Variants in CD209 observed in about 807,000 individuals in gnomAD.
CD209 encodes the protein CD209 molecule, also known as CD209 antigen.
In CD209, 31 loss-of-function variants were observed where a neutral mutation model predicts 44.7. The ratio of observed to expected loss-of-function variants is 0.69; its 90% confidence interval spans 0.52 to 0.94. The LOEUF (loss-of-function observed/expected upper bound fraction) is 0.94, where lower values mean the gene tolerates loss of function less well. Among genes scored for constraint, CD209 ranks in the 40% least tolerant of loss-of-function variants. The pLI, the probability that CD209 is intolerant of heterozygous loss-of-function variation, is 0.00. For missense variants in CD209, 407 were observed against 452.4 expected (o/e 0.90, Z 0.91); for synonymous variants, 173 against 181.3 (o/e 0.95, Z 0.37).
intron 3 of CD209, 159 bp from the exon 4 acceptor site, chr19:7,746,246 G>T: frequency 1.7e-6 from 2 of 1,185,216 alleles, no homozygotes; most frequent in Non-Finnish European, 2.4e-6. Flanking sequence ...AGCACAGAAG[G>T]CCAAGGAGAG....
rs1270392972 is a variant in CD209 at position 7,747,316 on chromosome 19, C to G, written c.96G>C (p.Lys32Asn). Reference sequence around the variant, plus strand: ...CTAAGTCCTCTCTACCTGCTAAGCTCTTGTATCCTCGAGTCTGTCGGAATC... The same window carrying G: ...CTAAGTCCTCTCTACCTGCTAAGCTGTTGTATCCTCGAGTCTGTCGGAATC... ...GLGFRQTRGYKSLAGCLGHGP... is the reference protein window; with the variant it reads ...GLGFRQTRGYNSLAGCLGHGP... The change falls in exon 2 of 7, where the codon AAG (lysine) becomes AAC (asparagine). Residue 32 changes from lysine to asparagine, a missense_variant. Physicochemically the swap from Lys to Asn is moderately conservative, Grantham distance 94. Transcript: ENST00000315599. 3 of 1,614,252 alleles carry G rather than the reference C, an allele frequency of 1.9e-6. No homozygotes were observed. The highest frequency in any genetic ancestry group is 1.7e-6 in the Non-Finnish European group (2 of 1,180,046).
In CD209 at chr19:7,746,091, G is replaced by A; in HGVS notation, c.179-4C>T. 2.5e-6 allele frequency: 4 copies of A among 1,612,032 alleles called. No homozygotes were observed. Among genetic ancestry groups the A allele is most frequent in the Non-Finnish European group, 3.4e-6 (4 of 1,179,342 alleles). ...ATGGAGCTGGGGACCTTGGACACTGGGCCAAGAAAAAAAAGGAACTGCAAT... is the reference window on the plus strand; with the variant it reads ...ATGGAGCTGGGGACCTTGGACACTGAGCCAAGAAAAAAAAGGAACTGCAAT... On this transcript the variant is annotated splice_polypyrimidine_tract_variant and splice_region_variant and intron_variant, in intron 3 of 6. Transcript: ENST00000315599.
At chr19:7,745,444 G>A in intron 4 of CD209, 74 bp downstream of exon 4, 1 of 1,610,526 alleles carries the variant, frequency 6.2e-7, no homozygotes, top group Admixed American at 1.7e-5. Context: ...CTCAGGCAGG[G>A]TCAGTGACTC....
At chr19:7,744,312 C>G in intron 5 of CD209, 93 bp from the exon 6 acceptor site, 1 of 947,712 alleles carries the variant, frequency 1.1e-6, no homozygotes, top group East Asian at 2.4e-5. Flanking sequence ...TGCTTGTAGG[C>G]TAACCTACAG....
Position 7,741,238 on chromosome 19 carries a change from G to C in CD209, c.*1801C>G, listed in dbSNP as rs549990133. 4 of 529,432 alleles carry C rather than the reference G, an allele frequency of 7.6e-6. No individual in the cohort carries two copies. The highest frequency in any genetic ancestry group is 1.3e-5 in the Non-Finnish European group (4 of 296,586). 32.8% of individuals were successfully genotyped at this position (529,432 alleles called of 1,614,324 possible). A position where few individuals can be genotyped will look rare whatever the true frequency, so the allele number is the denominator to read the frequency against. Reference sequence around the variant, plus strand: ...TGTAATCCCAGCACTTTGGGAGGACGCGGCGGGCGAATCACGAGGTCAAGA... The same window carrying C: ...TGTAATCCCAGCACTTTGGGAGGACCCGGCGGGCGAATCACGAGGTCAAGA... On this transcript the variant is annotated 3_prime_UTR_variant, in exon 7 of 7. Transcript: ENST00000315599.
Position 7,740,985 on chromosome 19 carries a change from A to T in CD209, c.*2054T>A, listed in dbSNP as rs188051185. 4.3e-4 allele frequency: 306 copies of T among 709,960 alleles called. No individual in the cohort carries two copies. Among genetic ancestry groups the T allele is most frequent in the Non-Finnish European group, 6.6e-4 (258 of 391,722 alleles). The allele number at this position is 709,960 out of a possible 1,614,324, so 44.0% of individuals were successfully genotyped here. On this transcript the variant is annotated 3_prime_UTR_variant, in exon 7 of 7. Coordinates refer to ENST00000315599, the MANE Select transcript of CD209 (RefSeq NM_021155.4). ...TCTACAGTAAAACAGGAGCTTGCAG[A>T]TTTGGAGATAGATGTTCACATGATT...
At position 7,741,921 on chromosome 19, in the gene CD209, A is replaced by G. The variant is rs1193479950; in HGVS notation, c.*1118T>C. The G allele has an allele frequency of 2.4e-6, 1 of 422,516 alleles. No homozygotes were observed. The highest frequency in any genetic ancestry group is 4.7e-6 in the Non-Finnish European group (1 of 214,614). 26.2% of individuals were successfully genotyped at this position (422,516 alleles called of 1,614,324 possible). A position where few individuals can be genotyped will look rare whatever the true frequency, so the allele number is the denominator to read the frequency against. ...TCCTACAAAAGAAATGGGGAATCCG[A>G]AAGGAAAAGGAAGAAATCTCACTAG... On this transcript the variant is annotated 3_prime_UTR_variant, in exon 7 of 7. Coordinates refer to ENST00000315599, the MANE Select transcript of CD209 (RefSeq NM_021155.4).
rs779527826 is a variant in CD209 at position 7,743,198 on chromosome 19, C to A, written c.1056G>T (p.Gly352=). 1 of 1,614,026 alleles carries A rather than the reference C, an allele frequency of 6.2e-7. No individual in the cohort carries two copies. The highest frequency in any genetic ancestry group is 1.3e-5 in the African/African-American group (1 of 74,916). ...CACTAAATTCCGCGCAGTCTTCCTC[C>A]CCAACGTTGTTGGGCTCTCCTCTGT... The part of the protein sequence containing the change: ...YWNRGEPNNV[G]EEDCAEFSGN... Residue 352 remains glycine, a synonymous_variant, in exon 7 of 7, where the codon GGG becomes GGT. Coordinates refer to ENST00000315599, the MANE Select transcript of CD209 (RefSeq NM_021155.4).
At position 7,746,471 on chromosome 19, in the gene CD209, A is replaced by T. The variant is rs1337768676; in HGVS notation, c.167T>A (p.Leu56His). Reference sequence around the variant, plus strand: ...AACCTGCCCCTGACCTTGGACAAGGAGCCCAGCCAAGAGCGTGAAGGAGAG... The same window carrying T: ...AACCTGCCCCTGACCTTGGACAAGGTGCCCAGCCAAGAGCGTGAAGGAGAG... ...QLLSFTLLAG[L>H]LVQVSKVPSS... The change falls in exon 3 of 7, where the codon CTC (leucine) becomes CAC (histidine). Residue 56 changes from leucine (L) to histidine (H), a missense_variant. Transcript: ENST00000315599. The T allele has an allele frequency of 6.2e-7, 1 of 1,613,830 alleles. No individual in the cohort carries two copies. Among genetic ancestry groups the T allele is most frequent in the Non-Finnish European group, 8.5e-7 (1 of 1,179,804 alleles).
chr19:7,746,518 A>G lies in CD209; in HGVS notation c.120T>C (p.His40=), dbSNP rs1200222386. ...GYKSLAGCLG[H]GPLVLQLLSF... ...AGAGGAGTTGCAGCACCAGGGGACC[A>G]TGGCCAAGACACCCTGAGAGAGGAT... Residue 40 remains histidine, a synonymous_variant, in exon 3 of 7, where the codon CAT becomes CAC. Coordinates refer to ENST00000315599, the MANE Select transcript of CD209 (RefSeq NM_021155.4). 1 of 1,613,698 alleles carries G rather than the reference A, an allele frequency of 6.2e-7. No individual in the cohort carries two copies. The highest frequency in any genetic ancestry group is 8.5e-7 in the Non-Finnish European group (1 of 1,179,812).
Position 7,743,007 on chromosome 19 carries a change from G to A in CD209, c.*32C>T, listed in dbSNP as rs1474199570. On this transcript the variant is annotated 3_prime_UTR_variant, in exon 7 of 7. Coordinates refer to ENST00000315599, the MANE Select transcript of CD209 (RefSeq NM_021155.4). ...TGTGAAGGTCGAAGGATGGAGAGAA[G>A]GAACTGTAGCTTAAAAGGGGGTGAA... The A allele has an allele frequency of 6.6e-7, 1 of 1,514,128 alleles. No individual in the cohort carries two copies. Among genetic ancestry groups the A allele is most frequent in the Non-Finnish European group, 9.2e-7 (1 of 1,090,120 alleles). 93.8% of individuals were successfully genotyped at this position (1,514,128 alleles called of 1,614,324 possible).
Position 7,742,962 on chromosome 19 carries a change from A to C in CD209, c.*77T>G. The C allele has an allele frequency of 1.7e-6, 2 of 1,184,376 alleles. No homozygotes were observed. The highest frequency in any genetic ancestry group is 3.0e-5 in the African/African-American group (2 of 66,374). 73.4% of individuals were successfully genotyped at this position (1,184,376 alleles called of 1,614,324 possible). ...CTTCTAAAGGAGGAAGAATCTGACA[A>C]AGAACAGTCCCAGAGATTTTGTGAA... On this transcript the variant is annotated 3_prime_UTR_variant, in exon 7 of 7. Transcript: ENST00000315599.
rs908699455 is a variant in CD209, at chr19:7,742,636, A to G, written c.*403T>C. The G allele has an allele frequency of 6.6e-5, 13 of 197,114 alleles. No individual in the cohort carries two copies. The highest frequency in any genetic ancestry group is 1.1e-4 in the South Asian group (1 of 8,840). The allele number at this position is 197,114 out of a possible 1,614,324, so 12.2% of individuals were successfully genotyped here. ...ATTCCCTGGTGCTTCCAGCCTGCAA[A>G]ATGAGCTCTTGCAACCAGTAAGTCC... On this transcript the variant is annotated 3_prime_UTR_variant, in exon 7 of 7. Coordinates refer to ENST00000315599, the MANE Select transcript of CD209 (RefSeq NM_021155.4).
At position 7,746,066 on chromosome 19, in the gene CD209, A is replaced by G; in HGVS notation, c.200T>C (p.Ile67Thr). 6.2e-7 allele frequency: 1 copy of G among 1,614,246 alleles called. No individual in the cohort carries two copies. The highest frequency in any genetic ancestry group is 8.5e-7 in the Non-Finnish European group (1 of 1,180,038). ...LVQVSKVPSS[I>T]SQEQSRQDAI... ...GTCTTGCCTGGATTGTTCCTGACTT[A>G]TGGAGCTGGGGACCTTGGACACTGG... The change falls in exon 4 of 7, where the codon ATA becomes ACA. Residue 67 changes from isoleucine to threonine, a missense_variant. This residue lies in a region of CD209 where 122 missense variants were observed against 110.3 expected (regional missense o/e 1.11). Transcript: ENST00000315599.
In CD209 at chr19:7,741,066, G is replaced by A; in HGVS notation, c.*1973C>T. ...AAAGCATGTTTACAGTGTTTGGAAA[G>A]GAGCAGTGCAGGAGGGATGACTATG... On this transcript the variant is annotated 3_prime_UTR_variant, in exon 7 of 7. Transcript: ENST00000315599. 1 of 823,854 alleles carries A rather than the reference G, an allele frequency of 1.2e-6. No homozygotes were observed. The highest frequency in any genetic ancestry group is 2.1e-6 in the Non-Finnish European group (1 of 480,860). The allele number at this position is 823,854 out of a possible 1,614,324, so 51.0% of individuals were successfully genotyped here.
chr19:7,743,883 C>T (rs998611706), intron 6 of CD209, among the ~76,000 whole-genome samples: 2 of 145,054 alleles, frequency 1.4e-5, no homozygotes, highest in Admixed American at 1.3e-4. Flanking sequence ...TATTTTAATA[C>T]ACCTCCCCGG....
intron 3 of CD209, 25 bp from the exon 4 acceptor site, chr19:7,746,112 G>A (rs1306766130): frequency 5.0e-6 from 8 of 1,612,952 alleles, no homozygotes; most frequent in African/African-American, 1.3e-5. Flanking sequence ...AAAAGGAACT[G>A]CAATTATTAA....
chr19:7,746,157 C>A (rs528076277), intron 3 of CD209, 70 bp from the exon 4 acceptor site: 1 of 1,582,730 alleles, frequency 6.3e-7, no homozygotes, highest in African/African-American at 1.4e-5. Context: ...AACTGAGCCC[C>A]ATAGGGACAT....
rs767201321 is a variant in CD209 at position 7,743,024 on chromosome 19, G to A, written c.*15C>T. On this transcript the variant is annotated 3_prime_UTR_variant, in exon 7 of 7. Transcript: ENST00000315599. ...GGAGAGAAGGAACTGTAGCTTAAAA[G>A]GGGGTGAAGTTCTGCTACGCAGGAG... The A allele has an allele frequency of 5.0e-6, 8 of 1,586,412 alleles. No homozygotes were observed. The highest frequency in any genetic ancestry group is 6.9e-6 in the Non-Finnish European group (8 of 1,155,394).
Sources: allele counts gnomAD v4.1 joint callset (sites outside exome capture counted in the v4.1 genomes callset), GRCh38; gene constraint gnomAD v4.1.1; regional missense constraint gnomAD v4.1.1; transcripts MANE v1.5; gene names NCBI Gene and HGNC (gene_info 2026-07-23, HGNC 2026-07-21).